Variants in DZIP3 observed in about 807,000 individuals in gnomAD.
DZIP3 encodes the protein DAZ interacting zinc finger protein 3, also known as E3 ubiquitin-protein ligase DZIP3.
Under a neutral mutation model 162.0 loss-of-function variants are expected in DZIP3, and 118 were observed. The ratio of observed to expected loss-of-function variants is 0.73; its 90% CI spans 0.63 to 0.85. The LOEUF is 0.85. DZIP3 is among the 40% of genes least tolerant of loss of function. The probability of loss-of-function intolerance (pLI) is 0.00; values close to 1 mark genes in which losing one functional copy is unlikely to be tolerated. For synonymous variants in DZIP3, 438 were observed against 458.6 expected (o/e 0.96, Z 0.57); for missense variants, 1,331 against 1,407.0 (o/e 0.95, Z 0.86).
At chr3:108,607,912 A>G (rs757825080) in intron 2 of DZIP3, among the ~76,000 whole-genome samples, 177 bp from the exon 3 acceptor site, 3 of 152,136 alleles carry the variant, frequency 2.0e-5, no homozygotes, top group African/African-American at 4.8e-5. Flanking sequence ...GGCATGGCCA[A>G]TTCGTCTTCT....
intron 19 of DZIP3, 33 bp downstream of exon 19, chr3:108,654,343 C>T (rs1943013682): frequency 6.2e-7 from 1 of 1,611,374 alleles, no homozygotes; most frequent in Admixed American, 1.7e-5. Context: ...CCTGCCTTCT[C>T]TTATTGTTAT....
At chr3:108,598,154 C>G (rs1181074575) in intron 1 of DZIP3, among the ~76,000 whole-genome samples, 1 of 152,126 alleles carries the variant, frequency 6.6e-6, no homozygotes, top group Non-Finnish European at 1.5e-5. Flanking sequence ...TGCATATTAT[C>G]TAGTCCAGCT....
chr3:108,616,410 T>C (rs1941016512), intron 4 of DZIP3, 131 bp from the exon 5 acceptor site: 1 of 559,694 alleles, frequency 1.8e-6, no homozygotes, highest in African/African-American at 2.0e-5. Context: ...GTATGGATTT[T>C]TTTTTTTTAA....
At chr3:108,599,949 A>T (rs896678652) in intron 1 of DZIP3, among the ~76,000 whole-genome samples, 4 of 152,220 alleles carry the variant, frequency 2.6e-5, no homozygotes, top group Non-Finnish European at 4.4e-5. Context: ...TGACTAAGAC[A>T]GTCATTTCAA....
chr3:108,595,323 A>G (rs1286011830), intron 1 of DZIP3, among the ~76,000 whole-genome samples: 1 of 152,076 alleles, frequency 6.6e-6, no homozygotes, highest in African/African-American at 2.4e-5. Flanking sequence ...GGCTCAAGTA[A>G]TCCTCCCACT....
At chr3:108,593,996 A>G (rs1024780003) in intron 1 of DZIP3, among the ~76,000 whole-genome samples, 2 of 152,048 alleles carry the variant, frequency 1.3e-5, no homozygotes, top group Admixed American at 1.3e-4. Context: ...GGATCTGATC[A>G]TTTATTCTGC....
At chr3:108,621,952 C>T (rs147696625) in intron 5 of DZIP3, among the ~76,000 whole-genome samples, 7 of 151,900 alleles carry the variant, frequency 4.6e-5, no homozygotes, top group Non-Finnish European at 1.0e-4. Context: ...CCCCCCAGCA[C>T]TTTGAGAGGC....
intron 19 of DZIP3, among the ~76,000 whole-genome samples, chr3:108,660,100 G>A (rs1943348962): frequency 6.6e-6 from 1 of 152,094 alleles, no homozygotes; most frequent in African/African-American, 2.4e-5. Flanking sequence ...TCCCCATCAA[G>A]CTACCAATGA....
intron 8 of DZIP3, among the ~76,000 whole-genome samples, chr3:108,631,049 A>ACTCTCTCT (rs1454927812): frequency 5.9e-4 from 33 of 55,574 alleles, no homozygotes; most frequent in Non-Finnish European, 1.0e-3. Flanking sequence ...ACACACACAC[A>ACTCTCTCT]CACACACTCT....
rs1283613401 is a variant in DZIP3, at chr3:108,644,546, C to T, written c.1524C>T (p.Tyr508=). The part of the protein sequence containing the change: ...KSADILRLCK[Y]RDILLSEILM... ...CAGACATCCTGAGACTGTGCAAATA[C>T]AGGGATATCCTCCTTAGTGAGATTT... Residue 508 remains tyrosine (Y), a synonymous_variant, in exon 14 of 33, where the codon TAC becomes TAT. Transcript: ENST00000361582. The T allele has an allele frequency of 3.1e-6, 5 of 1,614,006 alleles. No homozygotes were observed. The highest frequency in any genetic ancestry group is 4.2e-6 in the Non-Finnish European group (5 of 1,179,978).
Position 108,625,841 on chromosome 3 carries a change from A to G in DZIP3, c.457-4A>G, listed in dbSNP as rs1417821808. ...TAGCCAAACCTAGTTTTATGTTACT[A>G]CAGGATTATACAGAAGCTGAGAATA... On this transcript the variant is annotated splice_polypyrimidine_tract_variant and splice_region_variant and intron_variant, in intron 6 of 32. Coordinates refer to ENST00000361582, the MANE Select transcript of DZIP3 (RefSeq NM_014648.4). 6.9e-6 allele frequency: 11 copies of G among 1,599,172 alleles called. No individual in the cohort carries two copies. The highest frequency in any genetic ancestry group is 1.3e-5 in the African/African-American group (1 of 74,076).
At position 108,677,588 on chromosome 3, in the gene DZIP3, C is replaced by G; in HGVS notation, c.2873C>G (p.Pro958Arg). Residue 958 changes from proline to arginine, a missense_variant, in exon 26 of 33, where the codon CCT becomes CGT. Around this residue, in one of 2 missense-constraint regions of DZIP3, gnomAD observed 1,278 missense variants for 1,317.1 expected, o/e 0.97. Transcript: ENST00000361582. ...CAGCTTCCTCCTCCACCACCCAGTC[C>G]TGAGATACTGGTAAGAAATACAACA... The part of the protein sequence containing the change: ...PVQLPPPPPS[P>R]EILMQQFLGR... The G allele has an allele frequency of 6.2e-7, 1 of 1,611,720 alleles. No homozygotes were observed. Among genetic ancestry groups the G allele is most frequent in the Non-Finnish European group, 8.5e-7 (1 of 1,178,288 alleles).
At chr3:108,636,256 A>C (rs1189243407) in intron 10 of DZIP3, among the ~76,000 whole-genome samples, 1 of 151,970 alleles carries the variant, frequency 6.6e-6, no homozygotes, top group African/African-American at 2.4e-5. Flanking sequence ...AGGATGTAAC[A>C]TTTTTATTCT....
chr3:108,655,293 T>G (rs1257455099), intron 19 of DZIP3, among the ~76,000 whole-genome samples: 3 of 152,166 alleles, frequency 2.0e-5, no homozygotes, highest in Non-Finnish European at 4.4e-5. Flanking sequence ...AGTGGATAAG[T>G]TGAACATTAA....
At chr3:108,656,065 G>T (rs1943101356) in intron 19 of DZIP3, among the ~76,000 whole-genome samples, 1 of 152,168 alleles carries the variant, frequency 6.6e-6, no homozygotes, top group Non-Finnish European at 1.5e-5. Flanking sequence ...TCCACCTCTG[G>T]GGGCAGGGCA....
Position 108,693,447 on chromosome 3 carries a change from A to G in DZIP3, c.*94A>G, listed in dbSNP as rs1461914528. 6.6e-6 allele frequency: 1 copy of G among 152,126 alleles called. No homozygotes were observed. Among genetic ancestry groups the G allele is most frequent in the African/African-American group, 2.4e-5 (1 of 41,422 alleles). The allele number at this position is 152,126 out of a possible 1,614,324, so 9.4% of individuals were successfully genotyped here. On this transcript the variant is annotated 3_prime_UTR_variant, in exon 33 of 33. Coordinates refer to ENST00000361582, the MANE Select transcript of DZIP3 (RefSeq NM_014648.4). ...GGCTTGTAATGTCTTATGAGTGACA[A>G]TCGTTAGTTTGAGGAATTTTGTGAG...
chr3:108,644,231 T>C lies in DZIP3; in HGVS notation c.1209T>C (p.Ser403=). The C allele has an allele frequency of 6.2e-7, 1 of 1,613,216 alleles. No individual in the cohort carries two copies. Among genetic ancestry groups the C allele is most frequent in the South Asian group, 1.1e-5 (1 of 90,922 alleles). Residue 403 remains serine (S), a synonymous_variant, in exon 14 of 33, where the codon TCT becomes TCC. Coordinates refer to ENST00000361582, the MANE Select transcript of DZIP3 (RefSeq NM_014648.4). The stretch of plus-strand genomic sequence containing the variant: ...ATCTGCTTCATATAATTATTATTTC[T>C]GGTACTGACATTGTTCGACAAATAT... ...FYHLLHIIII[S]GTDIVRQIFD...
intron 21 of DZIP3, among the ~76,000 whole-genome samples, chr3:108,666,565 C>T (rs1032807180): frequency 6.6e-6 from 1 of 151,996 alleles, no homozygotes; most frequent in African/African-American, 2.4e-5. Flanking sequence ...TATAGAACAC[C>T]CCACCCGACA....
At chr3:108,677,084 C>T (rs559390826) in intron 25 of DZIP3, among the ~76,000 whole-genome samples, 6 of 152,144 alleles carry the variant, frequency 3.9e-5, no homozygotes, top group African/African-American at 1.4e-4. Context: ...TTAAAATGAA[C>T]ATTTGCAAGT....
Sources: allele counts gnomAD v4.1 joint callset (sites outside exome capture counted in the v4.1 genomes callset), GRCh38; gene constraint gnomAD v4.1.1; regional missense constraint gnomAD v4.1.1; transcripts MANE v1.5; gene names NCBI Gene and HGNC (gene_info 2026-07-23, HGNC 2026-07-21).